Variants in RXRA observed in about 807,000 individuals in gnomAD.
The protein encoded by RXRA is retinoid X receptor alpha.
A neutral mutation model predicts 44.5 loss-of-function variants in RXRA; 5 were observed. The ratio of observed to expected loss-of-function variants is 0.11; its 90% CI spans 0.06 to 0.24. RXRA has a LOEUF of 0.24. Among genes scored for constraint, RXRA ranks in the 10% least tolerant of loss-of-function variants. The pLI, the probability that RXRA is intolerant of heterozygous loss-of-function variation, is 1.00. For missense variants in RXRA, 412 were observed against 646.5 expected, an observed-to-expected ratio of 0.64 and a Z score of 3.93; for synonymous variants, 291 against 271.4, an observed-to-expected ratio of 1.07 and a Z score of -0.71.
chr9:134,402,110 G>C (rs1830972661), intron 2 of RXRA: 1 of 551,022 alleles, frequency 1.8e-6, no homozygotes, highest in Non-Finnish European at 3.2e-6. Flanking sequence ...GAGGTGACTT[G>C]CAGCTGGTTA....
chr9:134,407,290 G>C lies in RXRA; in HGVS notation c.280-859G>C, dbSNP rs796716859. The stretch of plus-strand genomic sequence containing the variant: ...GGAAGGAAGGAGGGGAGCTTCCTGC[G>C]CACAAGCGGCGGCAGGGGTTTGCAG... On this transcript the variant is annotated intron_variant, in intron 2 of 9. Transcript: ENST00000481739. The surrounding 1 kb of genome is among the most constrained non-coding windows in gnomAD (Gnocchi z 4.8). Among the ~76,000 whole-genome samples the C allele has an allele frequency of 2.0e-5, 3 of 152,248 alleles. No homozygotes were observed. Among genetic ancestry groups the C allele is most frequent in the African/African-American group, 7.2e-5 (3 of 41,476 alleles).
intron 1 of RXRA, chr9:134,380,220 C>A: frequency 1.0e-6 from 1 of 977,478 alleles, no homozygotes; most frequent in Non-Finnish European, 1.2e-6. Flanking sequence ...GTGCCGGCCC[C>A]GTGAGTCACG....
At position 134,401,676 on chromosome 9, in the gene RXRA, C is replaced by T. The variant is rs1830961998; in HGVS notation, c.73C>T (p.Arg25Ter). 1.2e-6 allele frequency: 2 copies of T among 1,613,072 alleles called. No individual in the cohort carries two copies. The highest frequency in any genetic ancestry group is 1.7e-6 in the Non-Finnish European group (2 of 1,179,956). The change falls in exon 2 of 10, where the codon CGA (arginine) becomes TGA (stop). Residue 25 changes from arginine (R) to a stop codon, truncating the protein, a stop_gained. Coordinates refer to ENST00000481739, the MANE Select transcript of RXRA (RefSeq NM_002957.6). LOFTEE classifies it high-confidence loss of function. Reference sequence around the variant, plus strand: ...CTCCTCCCTCACCTCCCCGACGGGGCGAGGCTCCATGGCTGCCCCCTCGCT... The same window carrying T: ...CTCCTCCCTCACCTCCCCGACGGGGTGAGGCTCCATGGCTGCCCCCTCGCT... ...VNSSLTSPTGRGSMAAPSLHP... is the reference protein window; with the variant it reads ...VNSSLTSPTG
At chr9:134,358,966 G>A (rs187971922) in intron 1 of RXRA, among the ~76,000 whole-genome samples, 126 of 152,288 alleles carry the variant, frequency 8.3e-4, no homozygotes, top group African/African-American at 2.5e-3. Context: ...TAAGCGTTGC[G>A]CCCACTCCTA....
chr9:134,411,831 G>C (rs1831153661), intron 4 of RXRA, among the ~76,000 whole-genome samples: 1 of 152,220 alleles, frequency 6.6e-6, no homozygotes, highest in Non-Finnish European at 1.5e-5. Context: ...CTCTCCTTGT[G>C]CACAGGGGGA....
Position 134,434,121 on chromosome 9 carries a change from C to T in RXRA, c.1155C>T (p.Asn385=). 6.2e-7 allele frequency: 1 copy of T among 1,613,692 alleles called. No homozygotes were observed. Among genetic ancestry groups the T allele is most frequent in the Non-Finnish European group, 8.5e-7 (1 of 1,179,872 alleles). The change falls in exon 9 of 10, where the codon AAC becomes AAT. Residue 385 remains asparagine, a synonymous_variant. Coordinates refer to ENST00000481739, the MANE Select transcript of RXRA (RefSeq NM_002957.6). ...LFNPDSKGLS[N]PAEVEALREK... Reference sequence around the variant, plus strand: ...TTTCAGACTCCAAGGGGCTCTCGAACCCGGCCGAGGTGGAGGCGCTGAGGG... The same window carrying T: ...TTTCAGACTCCAAGGGGCTCTCGAATCCGGCCGAGGTGGAGGCGCTGAGGG...
intron 8 of RXRA, among the ~76,000 whole-genome samples, chr9:134,432,610 G>A (rs780468450): frequency 1.3e-5 from 2 of 152,258 alleles, no homozygotes; most frequent in Non-Finnish European, 2.9e-5. Context: ...GTGCTGACAC[G>A]TGCCTGTTTG....
At chr9:134,370,906 C>T (rs772733493) in intron 1 of RXRA, among the ~76,000 whole-genome samples, 1 of 152,184 alleles carries the variant, frequency 6.6e-6, no homozygotes, top group African/African-American at 2.4e-5. Flanking sequence ...GGGGCCATCG[C>T]GGAAGGTGGG....
At chr9:134,408,018 G>A (rs1831083869) in intron 2 of RXRA, 131 bp from the exon 3 acceptor site, 42 of 634,774 alleles carry the variant, frequency 6.6e-5, no homozygotes, top group Middle Eastern at 3.1e-4. Context: ...TGGGGGGCAC[G>A]GCCCTCTCTA....
intron 1 of RXRA, among the ~76,000 whole-genome samples, chr9:134,337,915 G>C (rs1830030892): frequency 6.6e-6 from 1 of 152,132 alleles, no homozygotes; most frequent in African/African-American, 2.4e-5. Context: ...TCAGGTGGCC[G>C]CGTGCCAGCC....
chr9:134,340,767 C>T (rs568574552), intron 1 of RXRA, among the ~76,000 whole-genome samples: 42 of 152,188 alleles, frequency 2.8e-4, no homozygotes, highest in Non-Finnish European at 5.3e-4. Flanking sequence ...GGCCCTCTAG[C>T]TGGGGTGTCT....
intron 2 of RXRA, chr9:134,404,645 G>C (rs1431303803): frequency 6.5e-6 from 1 of 152,686 alleles, no homozygotes; most frequent in Non-Finnish European, 1.5e-5. Flanking sequence ...GTGTGGACGC[G>C]AGGCTGAGCG....
chr9:134,423,114 A>C (rs35298322), intron 6 of RXRA: 13,561 of 985,442 alleles, frequency 0.014, 108 homozygotes, highest in South Asian at 0.016. Flanking sequence ...CTGGTCCCCC[A>C]CCTGGAAAGG....
intron 2 of RXRA, chr9:134,403,147 T>C (rs1206918075): frequency 1.3e-5 from 2 of 152,408 alleles, no homozygotes; most frequent in African/African-American, 4.8e-5. Context: ...TGGGCTGTAG[T>C]TGGGGTCTGG....
Position 134,342,486 on chromosome 9 carries a change from C to A in RXRA, c.28+15827C>A, listed in dbSNP as rs1709496699. 6.6e-6 allele frequency among the ~76,000 whole-genome samples: 1 copy of A among 152,160 alleles called. No homozygotes were observed. Among genetic ancestry groups the A allele is most frequent in the African/African-American group, 2.4e-5 (1 of 41,414 alleles). ...GCAGGGGTCCCCCAGGTGGTCAGGC[C>A]CCAGAGGCTTGCACTTGGGATGGCG... On this transcript the variant is annotated intron_variant, in intron 1 of 9. Transcript: ENST00000481739. The surrounding 1 kb of genome is among the most constrained non-coding windows in gnomAD (Gnocchi z 4.4).
intron 9 of RXRA, 58 bp from the exon 10 acceptor site, chr9:134,436,409 G>A: frequency 6.3e-7 from 1 of 1,579,990 alleles, no homozygotes; most frequent in Non-Finnish European, 8.6e-7. Flanking sequence ...GGCCTCCAGT[G>A]CCAGGGCAGA....
Position 134,366,314 on chromosome 9 carries a change from C to G in RXRA, c.29-35318C>G, listed in dbSNP as rs1364085425. Among the ~76,000 whole-genome samples the G allele has an allele frequency of 1.3e-5, 2 of 152,156 alleles. No individual in the cohort carries two copies. Among genetic ancestry groups the G allele is most frequent in the Non-Finnish European group, 2.9e-5 (2 of 67,996 alleles). On this transcript the variant is annotated intron_variant, in intron 1 of 9. Coordinates refer to ENST00000481739, the MANE Select transcript of RXRA (RefSeq NM_002957.6). This position sits in a 1 kb window ranked among gnomAD's most constrained non-coding sequence, Gnocchi z 5.9. ...CAGCCTCTCCCTCTGCCCACCCCCCCCATGCCTGCCCTGCCAGCAGGTCCA... is the reference window on the plus strand; with the variant it reads ...CAGCCTCTCCCTCTGCCCACCCCCCGCATGCCTGCCCTGCCAGCAGGTCCA...
intron 1 of RXRA, among the ~76,000 whole-genome samples, chr9:134,327,419 C>A (rs920121843): frequency 1.6e-4 from 24 of 152,248 alleles, no homozygotes; most frequent in African/African-American, 5.8e-4. Context: ...CAGGCCCAGA[C>A]CTACCGAGAA....
chr9:134,368,769 TGA>T (rs1830447223), intron 1 of RXRA, among the ~76,000 whole-genome samples: 1 of 151,102 alleles, frequency 6.6e-6, no homozygotes, highest in African/African-American at 2.4e-5. Context: ...TGTGTGACTG[TGA>T]GTGTGTTTGG....
Sources: gnomAD v4.1 joint callset for allele counts (sites outside exome capture counted in the v4.1 genomes callset) on GRCh38, gnomAD v4.1.1 for gene constraint, Gnocchi (gnomAD v3.1) non-coding constraint, MANE v1.5 for transcripts, NCBI Gene and HGNC (gene_info 2026-07-23, HGNC 2026-07-21) for gene names.